C12orf56: variants seen among roughly 807,000 people sequenced by gnomAD.
C12orf56 encodes the protein uncharacterized protein C12orf56.
A neutral mutation model predicts 69.9 loss-of-function variants in C12orf56; 71 were observed. That is an observed-to-expected ratio of 1.02 (90% CI 0.84 to 1.24). The LOEUF is 1.24. C12orf56 is among the 50% of genes most tolerant of loss of function. The pLI, the probability that C12orf56 is intolerant of heterozygous loss-of-function variation, is 0.00. For missense variants in C12orf56, 732 were observed against 738.5 expected (o/e 0.99, Z 0.10); for synonymous variants, 276 against 274.1 (o/e 1.01, Z -0.07).
At chr12:64,324,639 T>C (rs1465914509) in intron 3 of C12orf56, among the ~76,000 whole-genome samples, 2 of 152,214 alleles carry the variant, frequency 1.3e-5, no homozygotes, top group African/African-American at 2.4e-5. Context: ...CTGGGATGTC[T>C]AGACGTGGTA....
Position 64,284,677 on chromosome 12 carries a change from A to G in C12orf56, c.1297T>C (p.Leu433=), listed in dbSNP as rs1030444111. 6.8e-6 allele frequency: 11 copies of G among 1,609,708 alleles called. No homozygotes were observed. The highest frequency in any genetic ancestry group is 9.3e-6 in the Non-Finnish European group (11 of 1,178,580). The stretch of plus-strand genomic sequence containing the variant: ...AAAAGACCTTACTTCTTAGCTGCCA[A>G]TGTGTTCAGGCGTGATGACTCGGTT... The part of the protein sequence containing the change: ...TETESSRLNT[L]AAKKGALFNL... Residue 433 remains leucine, a synonymous_variant, in exon 8 of 13, where the codon TTG becomes CTG. Coordinates refer to ENST00000543942, the MANE Select transcript of C12orf56 (RefSeq NM_001170633.2).
intron 1 of C12orf56, among the ~76,000 whole-genome samples, chr12:64,383,404 G>A (rs1381279821): frequency 1.3e-5 from 2 of 151,560 alleles, no homozygotes; most frequent in African/African-American, 4.8e-5. Flanking sequence ...TTGAGACAGA[G>A]TCTTGTTTGT....
At chr12:64,364,509 T>G (rs576649518) in intron 1 of C12orf56, among the ~76,000 whole-genome samples, 5 of 152,094 alleles carry the variant, frequency 3.3e-5, no homozygotes, top group Non-Finnish European at 5.9e-5. Flanking sequence ...AGGCCTTGCA[T>G]GCCTATGGGA....
At chr12:64,346,695 G>T (rs903320332) in intron 2 of C12orf56, among the ~76,000 whole-genome samples, 2 of 152,092 alleles carry the variant, frequency 1.3e-5, no homozygotes, top group African/African-American at 4.8e-5. Context: ...CACATGATTG[G>T]TTCCTCTGGC....
intron 1 of C12orf56, among the ~76,000 whole-genome samples, chr12:64,380,434 C>A (rs1046759158): frequency 2.0e-5 from 3 of 152,096 alleles, no homozygotes; most frequent in South Asian, 2.1e-4. Context: ...TAGTTATTGA[C>A]CGTCTACTAA....
chr12:64,274,966 C>A lies in C12orf56; in HGVS notation c.1519G>T (p.Gly507Ter), dbSNP rs201789726. Residue 507 changes from glycine to a stop codon, truncating the protein, a stop_gained, in exon 11 of 13, where the codon GGA becomes TGA. Transcript: ENST00000543942. LOFTEE classifies it high-confidence loss of function. The stretch of plus-strand genomic sequence containing the variant: ...ATAGCAAACTTTGTGGATCCCAATC[C>A]GAGATTTCCCTAAAAGACTCAAGGA... The part of the protein sequence containing the change: ...ILLVFQQGNL[G>*]LGSTKFAISW... 6.8e-6 allele frequency: 11 copies of A among 1,609,730 alleles called. No homozygotes were observed. The South Asian group carries it at 1.2e-4, about 18-fold the overall frequency.
intron 1 of C12orf56, among the ~76,000 whole-genome samples, chr12:64,353,477 TC>T (rs971215978): frequency 2.0e-5 from 3 of 151,828 alleles, no homozygotes; most frequent in Non-Finnish European, 4.4e-5. Context: ...TTTTTTTTTT[TC>T]CCCTTCATTT....
intron 1 of C12orf56, among the ~76,000 whole-genome samples, chr12:64,386,142 G>A (rs949843079): frequency 2.0e-5 from 3 of 152,038 alleles, no homozygotes; most frequent in Admixed American, 2.0e-4. Flanking sequence ...ATGACTAGTC[G>A]AGTCTTTCTC....
chr12:64,269,524 T>C (rs2037954815), intron 12 of C12orf56, among the ~76,000 whole-genome samples: 1 of 152,196 alleles, frequency 6.6e-6, no homozygotes, highest in South Asian at 2.1e-4. Context: ...TATCAATTGC[T>C]TCTGTCCAAT....
At chr12:64,379,439 C>G (rs549577763) in intron 1 of C12orf56, among the ~76,000 whole-genome samples, 2 of 152,082 alleles carry the variant, frequency 1.3e-5, no homozygotes, top group East Asian at 3.9e-4. Flanking sequence ...TGCCCGCCAC[C>G]ATGCCCGGCT....
Position 64,268,452 on chromosome 12 carries a change from C to G in C12orf56, c.1764-1164G>C, listed in dbSNP as rs2037940957. Among the ~76,000 whole-genome samples, 4 of 150,762 alleles carry G rather than the reference C, an allele frequency of 2.7e-5. No individual in the cohort carries two copies. In the Admixed American group the frequency reaches 2.7e-4, roughly 10 times the overall value. On this transcript the variant is annotated intron_variant, in intron 12 of 12. Transcript: ENST00000543942. The stretch of plus-strand genomic sequence containing the variant: ...ACATTAAGCTCAGTGAAGTCAGACA[C>G]AAAAGATCACATATTATACGCTCCA...
At chr12:64,300,279 A>G (rs1483855470) in intron 6 of C12orf56, among the ~76,000 whole-genome samples, 1 of 152,102 alleles carries the variant, frequency 6.6e-6, no homozygotes, top group East Asian at 1.9e-4. Flanking sequence ...GTGAGAGAGA[A>G]GATGAAGTGG....
At chr12:64,379,927 CAAAAAAA>C (rs200293677) in intron 1 of C12orf56, among the ~76,000 whole-genome samples, 14 of 114,116 alleles carry the variant, frequency 1.2e-4, no homozygotes, top group African/African-American at 6.0e-4. Context: ...ACTAAAAATA[CAAAAAAA>C]AAAAAAAAAA....
At chr12:64,276,814 C>G (rs894946582) in intron 9 of C12orf56, among the ~76,000 whole-genome samples, 12 of 150,778 alleles carry the variant, frequency 8.0e-5, no homozygotes, top group African/African-American at 2.4e-4. Flanking sequence ...GGTAACATGG[C>G]AAGACCCCAT....
At chr12:64,295,180 T>C (rs1290560001) in intron 6 of C12orf56, among the ~76,000 whole-genome samples, 1 of 152,150 alleles carries the variant, frequency 6.6e-6, no homozygotes. Flanking sequence ...ACCGTGCCAG[T>C]GGAAAAAATT....
chr12:64,357,726 C>A (rs1387155209), intron 1 of C12orf56, among the ~76,000 whole-genome samples: 1 of 151,770 alleles, frequency 6.6e-6, no homozygotes, highest in African/African-American at 2.4e-5. Context: ...GTGAGACCCC[C>A]CCAATCTCTA....
At chr12:64,358,116 A>G (rs1405983750) in intron 1 of C12orf56, among the ~76,000 whole-genome samples, 2 of 152,066 alleles carry the variant, frequency 1.3e-5, no homozygotes, top group Non-Finnish European at 2.9e-5. Flanking sequence ...ACATACCAAA[A>G]GTACTATGAT....
Position 64,270,643 on chromosome 12 carries a change from G to C in C12orf56, c.1656C>G (p.Pro552=), listed in dbSNP as rs765932215. 2 of 1,613,734 alleles carry C rather than the reference G, an allele frequency of 1.2e-6. No individual in the cohort carries two copies. Among genetic ancestry groups the C allele is most frequent in the Non-Finnish European group, 1.7e-6 (2 of 1,179,832 alleles). ...GLSASFQLLS[P]CQAVLLYQQF... ...GCTGGTACAACAGAACTGCTTGGCA[G>C]GGACTTAGCAGCTGAAATGAAGCTG... Residue 552 remains proline (P), a synonymous_variant, in exon 12 of 13, where the codon CCC becomes CCG. Coordinates refer to ENST00000543942, the MANE Select transcript of C12orf56 (RefSeq NM_001170633.2).
intron 8 of C12orf56, among the ~76,000 whole-genome samples, chr12:64,278,366 C>G (rs74097982): frequency 2.0e-5 from 3 of 152,036 alleles, no homozygotes; most frequent in Admixed American, 6.6e-5. Context: ...TGATGTTGCC[C>G]GGGCTGGTCT....
Sources: allele counts gnomAD v4.1 joint callset (sites outside exome capture counted in the v4.1 genomes callset), GRCh38; gene constraint gnomAD v4.1.1; transcripts MANE v1.5; gene names NCBI Gene and HGNC (gene_info 2026-07-23, HGNC 2026-07-21).